Variants in PLD6 observed in about 807,000 individuals in gnomAD.
PLD6 encodes phospholipase D family member 6, also known as mitochondrial cardiolipin hydrolase.
In PLD6, 10 loss-of-function variants were observed where a neutral mutation model predicts 9.7. The observed-to-expected ratio is 1.03, with a 90% CI of 0.64 to 1.75. The LOEUF is 1.75. Among genes scored for constraint, PLD6 ranks in the 40% most tolerant of loss-of-function variants. PLD6 has a pLI of 0.00. For missense variants in PLD6, 334 were observed against 347.6 expected (o/e 0.96, Z 0.31); for synonymous variants, 152 against 159.2 (o/e 0.96, Z 0.34).
In PLD6 at chr17:17,203,007, G is replaced by A; in HGVS notation, c.519C>T (p.Asn173=). 1 of 1,614,226 alleles carries A rather than the reference G, an allele frequency of 6.2e-7. No individual in the cohort carries two copies. The highest frequency in any genetic ancestry group is 1.1e-5 in the South Asian group (1 of 91,090). ...DKRVLITGSL[N]WTTQAIQNNR... ...TGTTCTGGATGGCTTGCGTGGTCCAGTTGAGCGAGCCAGTGATGAGCACCC... is the reference window on the plus strand; with the variant it reads ...TGTTCTGGATGGCTTGCGTGGTCCAATTGAGCGAGCCAGTGATGAGCACCC... Residue 173 remains asparagine (N), a synonymous_variant, in exon 2 of 2, where the codon AAC becomes AAT. Coordinates refer to ENST00000321560, the MANE Select transcript of PLD6 (RefSeq NM_178836.4).
intron 1 of PLD6, among the ~76,000 whole-genome samples, chr17:17,203,936 T>C (rs1484982223): frequency 2.0e-5 from 3 of 152,196 alleles, no homozygotes; most frequent in African/African-American, 7.2e-5. Flanking sequence ...AATCACTCCC[T>C]GTGCATGGAA....
rs772183118 is a variant in PLD6 at position 17,202,884 on chromosome 17, A to G, written c.642T>C (p.Tyr214=). ...RIWEQFNPTK[Y]TFFPPKKSHG... The stretch of plus-strand genomic sequence containing the variant: ...GACTTTTCTTTGGTGGGAAAAAGGT[A>G]TACTTTGTAGGGTTAAACTGTTCCC... Residue 214 remains tyrosine, a synonymous_variant, in exon 2 of 2, where the codon TAT becomes TAC. Transcript: ENST00000321560. 3 of 1,614,040 alleles carry G rather than the reference A, an allele frequency of 1.9e-6. No homozygotes were observed. Among genetic ancestry groups the G allele is most frequent in the African/African-American group, 2.7e-5 (2 of 74,908 alleles).
intron 1 of PLD6, among the ~76,000 whole-genome samples, chr17:17,203,984 G>A (rs374344949): frequency 3.3e-5 from 5 of 152,194 alleles, no homozygotes; most frequent in East Asian, 3.9e-4. Flanking sequence ...GGGCCTGGCA[G>A]GATGAAGACG....
Position 17,201,764 on chromosome 17 carries a change from G to C in PLD6, c.*1003C>G, listed in dbSNP as rs1030817306. On this transcript the variant is annotated 3_prime_UTR_variant, in exon 2 of 2. Transcript: ENST00000321560. ...GGGAGGCGGAAGTGGTGGATCACTT[G>C]AGGTCAGGAGTTTGAGACCAGCCTA... 6.6e-6 allele frequency: 1 copy of C among 152,166 alleles called. No homozygotes were observed. The highest frequency in any genetic ancestry group is 1.5e-5 in the Non-Finnish European group (1 of 68,062). 9.4% of individuals were successfully genotyped at this position (152,166 alleles called of 1,614,324 possible). A position where few individuals can be genotyped will look rare whatever the true frequency, so the allele number is the denominator to read the frequency against.
At position 17,202,674 on chromosome 17, in the gene PLD6, G is replaced by A. The variant is rs74604015; in HGVS notation, c.*93C>T. On this transcript the variant is annotated 3_prime_UTR_variant, in exon 2 of 2. Transcript: ENST00000321560. ...AGTTCAATTTAGTATTCTAATAGAC[G>A]AGACTTTAGTTTAACGATTTTTTTC... 6.3e-5 allele frequency: 77 copies of A among 1,215,786 alleles called. No individual in the cohort carries two copies. Among genetic ancestry groups the A allele is most frequent in the East Asian group, 5.0e-4 (21 of 42,272 alleles). 75.3% of individuals were successfully genotyped at this position (1,215,786 alleles called of 1,614,324 possible). A position where few individuals can be genotyped will look rare whatever the true frequency, so the allele number is the denominator to read the frequency against.
Position 17,202,428 on chromosome 17 carries a change from T to C in PLD6, c.*339A>G, listed in dbSNP as rs2046682473. On this transcript the variant is annotated 3_prime_UTR_variant, in exon 2 of 2. Coordinates refer to ENST00000321560, the MANE Select transcript of PLD6 (RefSeq NM_178836.4). Reference sequence around the variant, plus strand: ...CATCAGCCAAAGCAGGAGGGACTTTTCTAGAATCAGGGAAGGGAATGGGAT... The same window carrying C: ...CATCAGCCAAAGCAGGAGGGACTTTCCTAGAATCAGGGAAGGGAATGGGAT... The C allele has an allele frequency of 1.9e-5, 5 of 261,930 alleles. No individual in the cohort carries two copies. Among genetic ancestry groups the C allele is most frequent in the Admixed American group, 4.9e-5 (1 of 20,392 alleles). The allele number at this position is 261,930 out of a possible 1,614,324, so 16.2% of individuals were successfully genotyped here.
intron 1 of PLD6, among the ~76,000 whole-genome samples, chr17:17,203,414 C>T (rs2046691307): frequency 6.6e-6 from 1 of 152,188 alleles, no homozygotes; most frequent in African/African-American, 2.4e-5. Context: ...CCAAGGCTGT[C>T]ACTAACCCAG....
chr17:17,206,261 G>A lies in PLD6; in HGVS notation c.26C>T (p.Ala9Val), dbSNP rs1200248232. 1.9e-6 allele frequency: 3 copies of A among 1,543,036 alleles called. No individual in the cohort carries two copies. The highest frequency in any genetic ancestry group is 2.3e-5 in the South Asian group (2 of 85,142). Reference sequence around the variant, plus strand: ...AGCCAGGCCCACAGCCGCCGCGGCCGCCACCTGCCAACTCAACCGTCCCAT... The same window carrying A: ...AGCCAGGCCCACAGCCGCCGCGGCCACCACCTGCCAACTCAACCGTCCCAT... MGRLSWQV[A>V]AAAAVGLALT... Residue 9 changes from alanine to valine, a missense_variant, in exon 1 of 2, where the codon GCG (alanine) becomes GTG (valine). Transcript: ENST00000321560.
In PLD6 at chr17:17,202,966, A is replaced by G; in HGVS notation, c.560T>C (p.Leu187Pro). The G allele has an allele frequency of 2.5e-6, 4 of 1,614,218 alleles. No individual in the cohort carries two copies. Among genetic ancestry groups the G allele is most frequent in the Non-Finnish European group, 3.4e-6 (4 of 1,180,040 alleles). ...QAIQNNRENV[L>P]ITEDDEYVRL... ...CACGTACTCGTCGTCCTCCGTGATG[A>G]GAACATTCTCCCTGTTGTTCTGGAT... The change falls in exon 2 of 2, where the codon CTC (leucine) becomes CCC (proline). Residue 187 changes from leucine (L) to proline (P), a missense_variant. Transcript: ENST00000321560.
chr17:17,205,430 T>A (rs1471888126), intron 1 of PLD6, among the ~76,000 whole-genome samples: 2 of 152,138 alleles, frequency 1.3e-5, no homozygotes, highest in Non-Finnish European at 2.9e-5. Flanking sequence ...CCAGCTCCCC[T>A]GCCACCAGGA....
In PLD6 at chr17:17,202,603, A is replaced by G. The variant is rs141992360; in HGVS notation, c.*164T>C. 9.5e-5 allele frequency: 69 copies of G among 727,736 alleles called. No homozygotes were observed. In the African/African-American group the frequency reaches 1.0e-3, roughly 11 times the overall value. The allele number at this position is 727,736 out of a possible 1,614,324, so 45.1% of individuals were successfully genotyped here. On this transcript the variant is annotated 3_prime_UTR_variant, in exon 2 of 2. Transcript: ENST00000321560. ...GAGCAAGAAAAAGGTCTGGCCCGAA[A>G]TAACTGACCCGAAGTAACAGAAATT...
Position 17,201,496 on chromosome 17 carries a change from G to A in PLD6, c.*1271C>T, listed in dbSNP as rs2046673538. Reference sequence around the variant, plus strand: ...TTCTACCTGGGAATGCAAACCCTGAGCTGCAAATAAGAACACAGACGTGGG... The same window carrying A: ...TTCTACCTGGGAATGCAAACCCTGAACTGCAAATAAGAACACAGACGTGGG... On this transcript the variant is annotated 3_prime_UTR_variant, in exon 2 of 2. Coordinates refer to ENST00000321560, the MANE Select transcript of PLD6 (RefSeq NM_178836.4). 6.6e-6 allele frequency: 1 copy of A among 152,256 alleles called. No homozygotes were observed. 9.4% of individuals were successfully genotyped at this position (152,256 alleles called of 1,614,324 possible).
chr17:17,205,299 C>A (rs1418610640), intron 1 of PLD6, among the ~76,000 whole-genome samples: 3 of 152,194 alleles, frequency 2.0e-5, no homozygotes, highest in Non-Finnish European at 2.9e-5. Flanking sequence ...AATGTCCTGG[C>A]GCTGCTTTCT....
chr17:17,203,550 T>C (rs920180407), intron 1 of PLD6, among the ~76,000 whole-genome samples: 30 of 151,248 alleles, frequency 2.0e-4, no homozygotes, highest in African/African-American at 6.3e-4. Context: ...CCCAATTTGC[T>C]GGCACAACCT....
Position 17,206,278 on chromosome 17 carries a change from C to G in PLD6, c.9G>C (p.Arg3=), listed in dbSNP as rs780622258. MG[R]LSWQVAAAAA... ...CCGCGGCCGCCACCTGCCAACTCAA[C>G]CGTCCCATGCCGCCGCTAATCCGGG... The change falls in exon 1 of 2, where the codon CGG becomes CGC. Residue 3 remains arginine (R), a synonymous_variant. Transcript: ENST00000321560. 6.5e-7 allele frequency: 1 copy of G among 1,533,426 alleles called. No homozygotes were observed. Among genetic ancestry groups the G allele is most frequent in the African/African-American group, 1.4e-5 (1 of 70,000 alleles). The allele number at this position is 1,533,426 out of a possible 1,614,324, so 95.0% of individuals were successfully genotyped here. A position where few individuals can be genotyped will look rare whatever the true frequency, so the allele number is the denominator to read the frequency against.
At chr17:17,205,760 C>T (rs1255029353) in intron 1 of PLD6, 100 bp downstream of exon 1, 4 of 1,360,088 alleles carry the variant, frequency 2.9e-6, no homozygotes, top group Non-Finnish European at 4.0e-6. Flanking sequence ...AATGAGGCCT[C>T]AGCCCGTCCC....
intron 1 of PLD6, among the ~76,000 whole-genome samples, chr17:17,204,847 A>G (rs1170162384): frequency 6.6e-6 from 1 of 152,140 alleles, no homozygotes; most frequent in East Asian, 1.9e-4. Context: ...AACATGCCCC[A>G]CACCACCCAG....
At chr17:17,203,713 C>T (rs1489432735) in intron 1 of PLD6, among the ~76,000 whole-genome samples, 1 of 152,190 alleles carries the variant, frequency 6.6e-6, no homozygotes, top group Non-Finnish European at 1.5e-5. Context: ...GTGTCTGTCT[C>T]CCCTGGAATA....
At chr17:17,203,886 G>A (rs896396583) in intron 1 of PLD6, among the ~76,000 whole-genome samples, 1 of 152,194 alleles carries the variant, frequency 6.6e-6, no homozygotes, top group African/African-American at 2.4e-5. Context: ...AATCTTTGAA[G>A]GGAAGTGTGT....
Sources: gnomAD v4.1 joint callset for allele counts (sites outside exome capture counted in the v4.1 genomes callset) on GRCh38, gnomAD v4.1.1 for gene constraint, MANE v1.5 for transcripts, NCBI Gene and HGNC (gene_info 2026-07-23, HGNC 2026-07-21) for gene names.